Variants in RNF38 observed in about 807,000 individuals in gnomAD.
RNF38 encodes the protein E3 ubiquitin-protein ligase RNF38.
RNF38 carries 15 observed loss-of-function variants against 67.2 expected under a neutral mutation model. The ratio of observed to expected loss-of-function variants is 0.22; its 90% CI spans 0.15 to 0.34. RNF38 has a LOEUF of 0.34. Ranked by LOEUF, RNF38 falls within the 10% of genes least tolerant of loss-of-function variation. RNF38 has a pLI of 1.00. For missense variants in RNF38, 524 were observed against 639.9 expected, an observed-to-expected ratio of 0.82 and a Z score of 1.95; for synonymous variants, 220 against 218.8, an observed-to-expected ratio of 1.01 and a Z score of -0.05.
intron 1 of RNF38, among the ~76,000 whole-genome samples, chr9:36,449,690 C>T (rs554521028): frequency 6.6e-6 from 1 of 152,252 alleles, no homozygotes; most frequent in African/African-American, 2.4e-5. Flanking sequence ...CCACCTCGGC[C>T]TCCCAAAGTG....
At chr9:36,434,128 T>C (rs898552551) in intron 1 of RNF38, among the ~76,000 whole-genome samples, 1 of 149,582 alleles carries the variant, frequency 6.7e-6, no homozygotes, top group Non-Finnish European at 1.5e-5. Flanking sequence ...CCCAGCTACT[T>C]GGGAGACTGA....
chr9:36,408,210 C>T (rs1838229251), intron 2 of RNF38, among the ~76,000 whole-genome samples: 1 of 152,056 alleles, frequency 6.6e-6, no homozygotes, highest in Non-Finnish European at 1.5e-5. Flanking sequence ...AAGTGATCCT[C>T]CCGCCTCAGT....
intron 1 of RNF38, among the ~76,000 whole-genome samples, chr9:36,431,839 C>T (rs916451959): frequency 1.3e-5 from 2 of 152,104 alleles, no homozygotes; most frequent in African/African-American, 4.8e-5. Context: ...GTTCCTTTGG[C>T]AACCACCAGC....
intron 1 of RNF38, among the ~76,000 whole-genome samples, chr9:36,391,902 T>C (rs964041952): frequency 1.3e-5 from 2 of 152,184 alleles, no homozygotes; most frequent in Admixed American, 1.3e-4. Context: ...CGTGAGCCAC[T>C]GCGCCCGGCC....
intron 11 of RNF38, among the ~76,000 whole-genome samples, chr9:36,340,469 G>C (rs1022057977): frequency 6.6e-6 from 1 of 152,138 alleles, no homozygotes; most frequent in African/African-American, 2.4e-5. Flanking sequence ...CTACAGACTT[G>C]AACTCCTGGG....
At chr9:36,365,928 G>C (rs1480321991) in intron 4 of RNF38, among the ~76,000 whole-genome samples, 1 of 152,090 alleles carries the variant, frequency 6.6e-6, no homozygotes, top group Non-Finnish European at 1.5e-5. Flanking sequence ...GCCTCCCAAA[G>C]TGCTGGGATT....
At chr9:36,456,884 T>C (rs565600064) in intron 1 of RNF38, among the ~76,000 whole-genome samples, 1 of 152,236 alleles carries the variant, frequency 6.6e-6, no homozygotes, top group East Asian at 1.9e-4. Context: ...AATACAAGTG[T>C]AGGAGTTCAA....
chr9:36,353,027 G>T, intron 7 of RNF38, 143 bp downstream of exon 7: 2 of 803,950 alleles, frequency 2.5e-6, no homozygotes, highest in Non-Finnish European at 4.0e-6. Flanking sequence ...CATACACTCA[G>T]GTGTATTTCT....
chr9:36,454,580 C>CTTTTT lies in RNF38; in HGVS notation n.242-29902_242-29898dup, dbSNP rs377679133. On this transcript the variant is annotated intron_variant and non_coding_transcript_variant, in intron 1 of 3. Coordinates refer to the RNF38 transcript ENST00000488058. ...AAAATATCAATTATACATTAATTTA[C>CTTTTT]TTTTTTTTTTTTTTTTTTTTGAGAC... Among the ~76,000 whole-genome samples the CTTTTT allele has an allele frequency of 1.1e-4, 12 of 112,460 alleles. 2 individuals carry two copies. The highest frequency in any genetic ancestry group is 5.2e-4 in the East Asian group (2 of 3,876). The allele number at this position is 112,460 out of a possible 152,430, so 73.8% of individuals were successfully genotyped here.
At chr9:36,394,085 G>A (rs1222183002) in intron 1 of RNF38, among the ~76,000 whole-genome samples, 1 of 152,110 alleles carries the variant, frequency 6.6e-6, no homozygotes, top group East Asian at 1.9e-4. Flanking sequence ...GACCAACCTG[G>A]CCAACATGAT....
intron 6 of RNF38, among the ~76,000 whole-genome samples, chr9:36,353,761 T>C (rs1025071782): frequency 6.6e-6 from 1 of 152,204 alleles, no homozygotes; most frequent in Admixed American, 6.5e-5. Flanking sequence ...CAGGGCTAAA[T>C]GAGATATGGT....
intron 2 of RNF38, among the ~76,000 whole-genome samples, chr9:36,380,032 G>A (rs1474302022): frequency 6.6e-6 from 1 of 152,158 alleles, no homozygotes; most frequent in Non-Finnish European, 1.5e-5. Flanking sequence ...GTTTCTGATA[G>A]TTAAAATCAA....
intron 1 of RNF38, among the ~76,000 whole-genome samples, chr9:36,392,372 C>T (rs960428344): frequency 2.0e-5 from 3 of 152,134 alleles, no homozygotes; most frequent in Admixed American, 1.3e-4. Flanking sequence ...TTTACCATTA[C>T]GCAGAAGTAT....
chr9:36,430,621 A>G (rs945628964), intron 1 of RNF38, among the ~76,000 whole-genome samples: 1 of 152,182 alleles, frequency 6.6e-6, no homozygotes, highest in East Asian at 1.9e-4. Flanking sequence ...AAGAGGACCA[A>G]GAAGGAAATG....
intron 4 of RNF38, among the ~76,000 whole-genome samples, chr9:36,368,333 C>T (rs1835128118): frequency 6.6e-6 from 1 of 152,126 alleles, no homozygotes; most frequent in Admixed American, 6.5e-5. Flanking sequence ...GAGACCTTGC[C>T]TTTTCTGAAA....
rs1207757448 is a variant in RNF38, at chr9:36,475,435, G to A, written n.241+11873C>T. Among the ~76,000 whole-genome samples, 4 of 151,614 alleles carry A rather than the reference G, an allele frequency of 2.6e-5. No homozygotes were observed. In the East Asian group the frequency reaches 8.0e-4, roughly 30 times the overall value. The stretch of plus-strand genomic sequence containing the variant: ...GTGGAGTGGCATCATCTCAGCTCCT[G>A]CAACCTCCATCTCCTGGGTTCAAGC... On this transcript the variant is annotated intron_variant and non_coding_transcript_variant, in intron 1 of 3. Transcript: ENST00000488058.
chr9:36,399,494 A>G (rs967552869), intron 1 of RNF38, among the ~76,000 whole-genome samples: 1 of 17,546 alleles, frequency 5.7e-5, no homozygotes, highest in Non-Finnish European at 1.4e-4. Context: ...AATATATATA[A>G]TATATTATAT....
intron 1 of RNF38, among the ~76,000 whole-genome samples, chr9:36,471,005 G>C (rs1839984550): frequency 6.6e-6 from 1 of 152,092 alleles, no homozygotes; most frequent in South Asian, 2.1e-4. Flanking sequence ...CAAATCTACA[G>C]GTGAACTACG....
rs1355768656 is a variant in RNF38, at chr9:36,337,629, CT to C, written c.*2122del. On this transcript the variant is annotated 3_prime_UTR_variant, in exon 12 of 12. Coordinates refer to ENST00000259605, the MANE Select transcript of RNF38 (RefSeq NM_022781.5). ...GCTATATAAAAGTGTATAAGATGGGCTTTTGCCATTTTAAACATGATTTTTT... is the reference window on the plus strand; with the variant it reads ...GCTATATAAAAGTGTATAAGATGGGCTTTGCCATTTTAAACATGATTTTTT... The C allele has an allele frequency of 6.6e-6, 1 of 151,894 alleles. No homozygotes were observed. Among genetic ancestry groups the C allele is most frequent in the Non-Finnish European group, 1.5e-5 (1 of 67,804 alleles). 9.4% of individuals were successfully genotyped at this position (151,894 alleles called of 1,614,324 possible). A position where few individuals can be genotyped will look rare whatever the true frequency, so the allele number is the denominator to read the frequency against.
Sources: allele counts gnomAD v4.1 joint callset (sites outside exome capture counted in the v4.1 genomes callset), GRCh38; gene constraint gnomAD v4.1.1; transcripts MANE v1.5; gene names NCBI Gene and HGNC (gene_info 2026-07-23, HGNC 2026-07-21).